Variants in CPXM2 observed in about 807,000 individuals in gnomAD.
CPXM2 encodes the protein inactive carboxypeptidase-like protein X2.
Under a neutral mutation model 86.1 loss-of-function variants are expected in CPXM2, and 66 were observed. That is an observed-to-expected ratio of 0.77 (90% confidence interval 0.63 to 0.94). The LOEUF (loss-of-function observed/expected upper bound fraction) is 0.94. Among genes scored for constraint, CPXM2 ranks in the 40% least tolerant of loss-of-function variants. The pLI is 0.00. For synonymous variants in CPXM2, 388 were observed against 400.2 expected, an observed-to-expected ratio of 0.97 and a Z score of 0.36; for missense variants, 948 against 1,026.3, an observed-to-expected ratio of 0.92 and a Z score of 1.04.
chr10:123,753,247 T>G (rs1293750958), intron 13 of CPXM2, among the ~76,000 whole-genome samples: 2 of 152,264 alleles, frequency 1.3e-5, no homozygotes, highest in Middle Eastern at 3.4e-3. Context: ...CCTGTTTGCC[T>G]AGGACAGAGG....
At chr10:123,873,552 C>T (rs1355627036) in intron 2 of CPXM2, among the ~76,000 whole-genome samples, 1 of 152,154 alleles carries the variant, frequency 6.6e-6, no homozygotes, top group Admixed American at 6.6e-5. Flanking sequence ...TACAAGTACA[C>T]ACAATGGGTC....
chr10:123,801,951 T>G (rs1462103392), intron 4 of CPXM2, among the ~76,000 whole-genome samples: 1 of 152,220 alleles, frequency 6.6e-6, no homozygotes, highest in Admixed American at 6.5e-5. Context: ...CTTTCTTTCA[T>G]AGTTTAATTC....
Position 123,752,478 on chromosome 10 carries a change from A to C in CPXM2, c.2017+2185T>G, listed in dbSNP as rs545324627. ...CATTTTAGACACATTTCCCCCATTT[A>C]CATATTTGGTCTTTTATGCCAGGCC... is the stretch of plus-strand genomic sequence containing the variant. On this transcript the variant is annotated intron_variant, in intron 13 of 13. Transcript: ENST00000241305. The C allele has an allele frequency of 2.3e-5, 23 of 985,424 alleles. No individual in the cohort carries two copies. The South Asian group carries it at 8.9e-4, about 38-fold the overall frequency. 61.0% of individuals were successfully genotyped at this position (985,424 alleles called of 1,614,324 possible). A position where few individuals can be genotyped will look rare whatever the true frequency, so the allele number is the denominator to read the frequency against.
chr10:123,784,270 T>C (rs1283352482), intron 6 of CPXM2, among the ~76,000 whole-genome samples: 2 of 152,180 alleles, frequency 1.3e-5, no homozygotes, highest in Non-Finnish European at 2.9e-5. Context: ...ATCGTACCAC[T>C]GGCAGCTCTG....
intron 2 of CPXM2, among the ~76,000 whole-genome samples, chr10:123,934,582 C>T (rs1248291820): frequency 1.3e-5 from 2 of 152,106 alleles, no homozygotes; most frequent in Non-Finnish European, 2.9e-5. Flanking sequence ...AATAAAATCA[C>T]ATTCAGAGGC....
upstream of CPXM2, among the ~76,000 whole-genome samples, chr10:123,941,615 G>C (rs565111118): frequency 2.0e-5 from 3 of 152,252 alleles, no homozygotes; most frequent in South Asian, 6.2e-4. Context: ...ACCCATAACA[G>C]TGAATAATGT....
chr10:123,884,149 C>T lies in CPXM2; in HGVS notation c.305-3840G>A, dbSNP rs564339975. Among the ~76,000 whole-genome samples, 7 of 152,246 alleles carry T rather than the reference C, an allele frequency of 4.6e-5. No individual in the cohort carries two copies. In the South Asian group the frequency reaches 1.5e-3, roughly 32 times the overall value. ...GCATCTTCCCCAGGAAATTCCAGTC[C>T]AACAGGCTCTGCATTCCTGTAGTAA... On this transcript the variant is annotated intron_variant, in intron 1 of 13. Transcript: ENST00000241305.
intron 4 of CPXM2, among the ~76,000 whole-genome samples, chr10:123,809,959 G>A (rs1209943720): frequency 6.6e-6 from 1 of 151,940 alleles, no homozygotes; most frequent in African/African-American, 2.4e-5. Context: ...AAATAGATTA[G>A]TTAATAGATC....
chr10:123,873,688 A>G (rs1451475928), intron 2 of CPXM2, among the ~76,000 whole-genome samples: 2 of 152,180 alleles, frequency 1.3e-5, no homozygotes, highest in Non-Finnish European at 2.9e-5. Flanking sequence ...AATTAATAAT[A>G]AAGATTAGTG....
At chr10:123,835,046 A>G (rs1262064109) in intron 4 of CPXM2, among the ~76,000 whole-genome samples, 5 of 152,202 alleles carry the variant, frequency 3.3e-5, no homozygotes, top group African/African-American at 1.2e-4. Context: ...TCATGCACCA[A>G]ATAAACCTCT....
At chr10:123,868,583 G>A (rs989616333) in intron 2 of CPXM2, among the ~76,000 whole-genome samples, 7 of 152,092 alleles carry the variant, frequency 4.6e-5, no homozygotes, top group African/African-American at 1.7e-4. Flanking sequence ...AGGGCTGAAG[G>A]AAAAGAAATT....
chr10:123,814,933 G>C (rs1847782816), intron 4 of CPXM2, among the ~76,000 whole-genome samples: 1 of 152,196 alleles, frequency 6.6e-6, no homozygotes, highest in African/African-American at 2.4e-5. Context: ...GTTGAGCTGG[G>C]AGGATCACTT....
At chr10:123,766,711 C>A (rs572977400) in intron 10 of CPXM2, among the ~76,000 whole-genome samples, 3 of 152,280 alleles carry the variant, frequency 2.0e-5, no homozygotes, top group Admixed American at 6.5e-5. Flanking sequence ...CAAACATGTG[C>A]AATTCAGGGG....
At chr10:123,944,083 C>T (rs766579422), upstream of CPXM2, among the ~76,000 whole-genome samples, 1 of 152,178 alleles carries the variant, frequency 6.6e-6, no homozygotes, top group Non-Finnish European at 1.5e-5. Context: ...TTTGCAAAGG[C>T]CCCGGGCTGG....
chr10:123,875,821 T>C (rs1202843540), intron 2 of CPXM2, among the ~76,000 whole-genome samples: 90 of 144,186 alleles, frequency 6.2e-4, no homozygotes, highest in Middle Eastern at 6.9e-3. Context: ...TTTTTTTTTT[T>C]TTTTTTTTTT....
chr10:123,864,579 A>G (rs1379250092), intron 2 of CPXM2, among the ~76,000 whole-genome samples: 1 of 152,226 alleles, frequency 6.6e-6, no homozygotes, highest in East Asian at 1.9e-4. Context: ...CTTCCTTGGT[A>G]GCAGAAGACA....
chr10:123,817,603 T>C (rs1230013763), intron 4 of CPXM2, among the ~76,000 whole-genome samples: 2 of 152,064 alleles, frequency 1.3e-5, no homozygotes, highest in African/African-American at 2.4e-5. Flanking sequence ...AGAAGTGGTA[T>C]ATACGTAATT....
Position 123,797,855 on chromosome 10 carries a change from T to C in CPXM2, c.889+121A>G, listed in dbSNP as rs150930768. The stretch of plus-strand genomic sequence containing the variant: ...CTGCCTCCTCAGCCTCCCAAAATGC[T>C]GGGATTACAGGCATGAGCTACTGTG... On this transcript the variant is annotated intron_variant, in intron 6 of 13. Coordinates refer to ENST00000241305, the MANE Select transcript of CPXM2 (RefSeq NM_198148.3). 352 of 990,186 alleles carry C rather than the reference T, an allele frequency of 3.6e-4. No homozygotes were observed. In the African/African-American group the frequency reaches 5.5e-3, roughly 16 times the overall value. 61.3% of individuals were successfully genotyped at this position (990,186 alleles called of 1,614,324 possible). A position where few individuals can be genotyped will look rare whatever the true frequency, so the allele number is the denominator to read the frequency against.
intron 12 of CPXM2, among the ~76,000 whole-genome samples, chr10:123,755,375 T>G (rs1407794491): frequency 6.6e-6 from 1 of 152,140 alleles, no homozygotes; most frequent in Non-Finnish European, 1.5e-5. Context: ...GCCAGTTAAA[T>G]TATCTCTTAG....
Sources: allele counts gnomAD v4.1 joint callset (sites outside exome capture counted in the v4.1 genomes callset), GRCh38; gene constraint gnomAD v4.1.1; transcripts MANE v1.5; gene names NCBI Gene and HGNC (gene_info 2026-07-23, HGNC 2026-07-21).